DPP6: variants seen among roughly 807,000 people sequenced by gnomAD.
The protein encoded by DPP6 is dipeptidyl peptidase like 6.
DPP6 carries 69 observed loss-of-function variants against 122.6 expected under a neutral mutation model. The ratio of observed to expected loss-of-function variants is 0.56; its 90% CI spans 0.46 to 0.69. The LOEUF (loss-of-function observed/expected upper bound fraction) is 0.69, where lower values mean the gene tolerates loss of function less well. DPP6 is among the 30% of genes least tolerant of loss of function. The pLI is 0.00. For missense variants in DPP6, 928 were observed against 1,116.9 expected (o/e 0.83, Z 2.41); for synonymous variants, 418 against 433.1 (o/e 0.97, Z 0.43).
intron 1 of DPP6, among the ~76,000 whole-genome samples, chr7:154,247,482 A>G (rs73165280): frequency 0.16 from 24,283 of 152,242 alleles, 2,423 homozygotes; most frequent in Non-Finnish European, 0.23. Context: ...TAAATGGTCA[A>G]TAAGCACATG....
At chr7:154,464,780 C>T (rs1444228496) in intron 2 of DPP6, among the ~76,000 whole-genome samples, 2 of 152,118 alleles carry the variant, frequency 1.3e-5, no homozygotes, top group African/African-American at 4.8e-5. Context: ...AATAAACTGT[C>T]CTTGTTACAG....
intron 1 of DPP6, among the ~76,000 whole-genome samples, chr7:154,327,287 C>T (rs1386094562): frequency 6.6e-6 from 1 of 152,042 alleles, no homozygotes; most frequent in East Asian, 1.9e-4. Context: ...GTAGGAGGAC[C>T]GTATATCCCA....
chr7:154,227,215 G>GACACACACACACTCACACAC (rs1554495534), intron 1 of DPP6, among the ~76,000 whole-genome samples: 1 of 141,356 alleles, frequency 7.1e-6, no homozygotes, highest in East Asian at 2.1e-4. Flanking sequence ...GAAAATGAGG[G>GACACACACACACTCACACAC]ACACACACAC....
chr7:154,615,128 A>C (rs1245681562), intron 5 of DPP6, among the ~76,000 whole-genome samples: 1 of 152,214 alleles, frequency 6.6e-6, no homozygotes, highest in East Asian at 1.9e-4. Flanking sequence ...GCTGGAAATC[A>C]AAAGGCCGTG....
At chr7:154,313,714 T>TATATATATATATATATGCATACACAC (rs1177234778) in intron 1 of DPP6, among the ~76,000 whole-genome samples, 1 of 17,786 alleles carries the variant, frequency 5.6e-5, no homozygotes, top group Non-Finnish European at 1.2e-4. Flanking sequence ...TATATATATA[T>TATATATATATATATATGCATACACAC]ACACACACAC....
In DPP6 at chr7:154,617,143, C is replaced by A. The variant is rs150129967; in HGVS notation, c.628-20678C>A. 3.9e-3 allele frequency among the ~76,000 whole-genome samples: 592 copies of A among 152,294 alleles called. 7 individuals carry two copies. Among genetic ancestry groups the A allele is most frequent in the African/African-American group, 0.014 (563 of 41,548 alleles). On this transcript the variant is annotated intron_variant, in intron 5 of 25. Transcript: ENST00000377770. ...TGACCTAAAGCATATACTTACCAAG[C>A]CTTGGAATTCCTACAGAGGGCCCTG...
At chr7:154,283,315 T>C (rs1804648511) in intron 1 of DPP6, among the ~76,000 whole-genome samples, 1 of 152,180 alleles carries the variant, frequency 6.6e-6, no homozygotes, top group Non-Finnish European at 1.5e-5. Flanking sequence ...TGCAACTCTG[T>C]GTGCCTCAGT....
At chr7:154,553,753 A>G (rs1276775014) in intron 4 of DPP6, among the ~76,000 whole-genome samples, 2 of 152,050 alleles carry the variant, frequency 1.3e-5, no homozygotes, top group Non-Finnish European at 2.9e-5. Flanking sequence ...CCGCCATTCC[A>G]TTACTGAGAA....
At chr7:154,846,843 C>A (rs1393743441) in intron 16 of DPP6, among the ~76,000 whole-genome samples, 1 of 152,146 alleles carries the variant, frequency 6.6e-6, no homozygotes, top group African/African-American at 2.4e-5. Flanking sequence ...ATAGTATTAA[C>A]CCTTCTGCTA....
At chr7:154,199,215 G>A (rs1585612230) in intron 1 of DPP6, among the ~76,000 whole-genome samples, 2 of 152,140 alleles carry the variant, frequency 1.3e-5, no homozygotes, top group South Asian at 4.1e-4. Flanking sequence ...TGGGCTGTTT[G>A]CAGGCTATTC....
chr7:154,766,945 G>A (rs1208728271), intron 8 of DPP6, among the ~76,000 whole-genome samples: 2 of 152,212 alleles, frequency 1.3e-5, no homozygotes, highest in Non-Finnish European at 2.9e-5. Context: ...GGAACCTACG[G>A]GGTAGGAATG....
intron 7 of DPP6, among the ~76,000 whole-genome samples, chr7:154,712,888 A>C (rs558974174): frequency 1.3e-5 from 2 of 152,286 alleles, no homozygotes; most frequent in African/African-American, 2.4e-5. Context: ...CCCTTCCAAA[A>C]GTCCCCCAAA....
intron 1 of DPP6, among the ~76,000 whole-genome samples, chr7:154,418,674 A>AAAGTACT (rs1333797622): frequency 2.0e-5 from 3 of 152,180 alleles, no homozygotes; most frequent in African/African-American, 7.2e-5. Flanking sequence ...TTACAACCAG[A>AAAGTACT]TTATATTACT....
At chr7:154,569,143 A>G (rs2130550167) in intron 5 of DPP6, among the ~76,000 whole-genome samples, 1 of 151,646 alleles carries the variant, frequency 6.6e-6, no homozygotes, top group African/African-American at 2.4e-5. Context: ...ATTTGGAGTT[A>G]GATATTAGGA....
At chr7:154,677,103 T>G (rs1408733027) in intron 7 of DPP6, among the ~76,000 whole-genome samples, 1 of 152,232 alleles carries the variant, frequency 6.6e-6, no homozygotes, top group Non-Finnish European at 1.5e-5. Context: ...CTATGAGCTA[T>G]TGTTATTTTT....
the DPP6 span, among the ~76,000 whole-genome samples, chr7:153,755,167 G>A: frequency 2.0e-5 from 3 of 151,292 alleles, no homozygotes; most frequent in African/African-American, 4.9e-5. Context: ...TCATTTTAAT[G>A]AACACTTAAG....
At chr7:153,885,137 C>T (rs533754718), upstream of DPP6, among the ~76,000 whole-genome samples, 39 of 151,080 alleles carry the variant, frequency 2.6e-4, no homozygotes, top group East Asian at 7.7e-3. Flanking sequence ...GAGGAAAATT[C>T]TAGATGAACG....
chr7:154,201,138 T>G (rs369710119), intron 1 of DPP6, among the ~76,000 whole-genome samples: 1 of 152,278 alleles, frequency 6.6e-6, no homozygotes, highest in East Asian at 1.9e-4. Context: ...TGTTGTTGTT[T>G]TTTTTTGAGA....
chr7:154,853,313 C>T (rs1048947792), intron 16 of DPP6, among the ~76,000 whole-genome samples: 7 of 152,104 alleles, frequency 4.6e-5, no homozygotes, highest in African/African-American at 1.5e-4. Context: ...CAAAATATTC[C>T]TGTTACATGA....
Sources: allele counts gnomAD v4.1 joint callset (sites outside exome capture counted in the v4.1 genomes callset), GRCh38; gene constraint gnomAD v4.1.1; transcripts MANE v1.5; gene names NCBI Gene and HGNC (gene_info 2026-07-23, HGNC 2026-07-21).